Variants in KCTD21 observed in about 807,000 individuals in gnomAD.
KCTD21 encodes BTB/POZ domain-containing protein KCTD21.
In KCTD21, 9 loss-of-function variants were observed where a neutral mutation model predicts 13.2. That is an observed-to-expected ratio of 0.68 (90% CI 0.41 to 1.19). The LOEUF (loss-of-function observed/expected upper bound fraction) is 1.19, where lower values mean the gene tolerates loss of function less well. Ranked by LOEUF, KCTD21 falls within the 50% of genes most tolerant of loss-of-function variation. The pLI is 0.01. For missense variants in KCTD21, 303 were observed against 336.5 expected, an observed-to-expected ratio of 0.90 and a Z score of 0.78; for synonymous variants, 142 against 137.4, an observed-to-expected ratio of 1.03 and a Z score of -0.23.
intron 1 of KCTD21, among the ~76,000 whole-genome samples, chr11:78,183,016 T>A (rs1862674563): frequency 6.6e-6 from 1 of 152,242 alleles, no homozygotes; most frequent in Non-Finnish European, 1.5e-5. Flanking sequence ...ATCATCTATC[T>A]ATCAATCACC....
chr11:78,174,758 A>AGGGAAAGGAGAAAG, intron 1 of KCTD21, 175 bp from the exon 2 acceptor site: 1 of 488,804 alleles, frequency 2.0e-6, no homozygotes, highest in Non-Finnish European at 3.6e-6. Flanking sequence ...CACTAGGGAG[A>AGGGAAAGGAGAAAG]GGGAAAGGAG....
chr11:78,186,057 T>G (rs1445354290), intron 1 of KCTD21, among the ~76,000 whole-genome samples: 1 of 151,828 alleles, frequency 6.6e-6, no homozygotes, highest in Admixed American at 6.6e-5. Flanking sequence ...CTCCTGGGCC[T>G]CAGAAATGTC....
chr11:78,180,720 C>G (rs1862590726), intron 1 of KCTD21, among the ~76,000 whole-genome samples: 1 of 152,158 alleles, frequency 6.6e-6, no homozygotes, highest in East Asian at 1.9e-4. Context: ...CAATGGAAAC[C>G]TCATACACTG....
rs147630167 is a variant in KCTD21, at chr11:78,173,680, C to A, written c.*92G>T. On this transcript the variant is annotated 3_prime_UTR_variant, in exon 2 of 2. Coordinates refer to ENST00000340067, the MANE Select transcript of KCTD21 (RefSeq NM_001029859.3). Reference sequence around the variant, plus strand: ...CACAATTAATACAGATTAGTATAGTCCCCTGCCTCGCACCACTGGCGAGAT... The same window carrying A: ...CACAATTAATACAGATTAGTATAGTACCCTGCCTCGCACCACTGGCGAGAT... 4.4e-4 allele frequency: 443 copies of A among 1,016,572 alleles called. 1 individual carries two copies. Among genetic ancestry groups the A allele is most frequent in the Non-Finnish European group, 5.8e-4 (394 of 678,544 alleles). The allele number at this position is 1,016,572 out of a possible 1,614,324, so 63.0% of individuals were successfully genotyped here.
intron 1 of KCTD21, among the ~76,000 whole-genome samples, chr11:78,184,084 A>G (rs532168036): frequency 6.6e-6 from 1 of 152,362 alleles, no homozygotes; most frequent in Admixed American, 6.5e-5. Flanking sequence ...ACACATAATT[A>G]TAACAGACTC....
intron 1 of KCTD21, among the ~76,000 whole-genome samples, chr11:78,186,200 C>T (rs553465670): frequency 2.1e-4 from 32 of 149,322 alleles, no homozygotes; most frequent in Non-Finnish European, 3.0e-4. Context: ...CATAATGAGA[C>T]CTCGTTTCTA....
chr11:78,188,314 T>A (rs1318543095), intron 1 of KCTD21: 4 of 983,822 alleles, frequency 4.1e-6, no homozygotes, highest in Non-Finnish European at 4.8e-6. Flanking sequence ...CGACCCTCAT[T>A]ATCCGGGCTT....
chr11:78,174,060 G>C lies in KCTD21; in HGVS notation c.495C>G (p.Tyr165Ter). The C allele has an allele frequency of 1.2e-6, 2 of 1,614,178 alleles. No individual in the cohort carries two copies. Among genetic ancestry groups the C allele is most frequent in the Non-Finnish European group, 1.7e-6 (2 of 1,180,028 alleles). ...FLKLLGSKLF[Y>*]CSNGNLSSIT... The stretch of plus-strand genomic sequence containing the variant: ...TGGAGGAGAGATTGCCATTGGAGCA[G>C]TAGAAGAGCTTAGAGCCAAGGAGCT... Residue 165 changes from tyrosine (Y) to a stop codon, truncating the protein, a stop_gained, in exon 2 of 2, where the codon TAC (tyrosine) becomes TAG (stop). Transcript: ENST00000340067. LOFTEE classifies it high-confidence loss of function.
chr11:78,174,701 T>C, intron 1 of KCTD21, 118 bp from the exon 2 acceptor site: 1 of 678,426 alleles, frequency 1.5e-6, no homozygotes. Flanking sequence ...AATTAATACC[T>C]GATGAATGGG....
intron 1 of KCTD21, chr11:78,186,573 C>A: frequency 2.4e-6 from 1 of 419,104 alleles, no homozygotes; most frequent in Non-Finnish European, 3.1e-6. Context: ...ACTACAACGG[C>A]AATAATAATG....
intron 1 of KCTD21, among the ~76,000 whole-genome samples, chr11:78,185,716 T>TGAGTAGCTGGGATTTCA (rs1368475870): frequency 2.0e-5 from 3 of 151,932 alleles, no homozygotes; most frequent in African/African-American, 7.3e-5. Flanking sequence ...CTCAGCCTCC[T>TGAGTAGCTGGGATTTCA]GAGTAGCTGG....
intron 1 of KCTD21, chr11:78,187,182 A>G (rs1283519423): frequency 3.0e-6 from 3 of 985,432 alleles, no homozygotes; most frequent in Non-Finnish European, 2.4e-6. Context: ...TGTGTTTTCC[A>G]GTAAGTGGGA....
At chr11:78,180,835 A>G (rs903758325) in intron 1 of KCTD21, among the ~76,000 whole-genome samples, 23 of 152,188 alleles carry the variant, frequency 1.5e-4, no homozygotes, top group Admixed American at 1.1e-3. Context: ...CCCATGTGTC[A>G]AGGGCAGGAC....
At chr11:78,188,540 C>T in intron 1 of KCTD21, 33 bp downstream of exon 1, 2 of 985,492 alleles carry the variant, frequency 2.0e-6, no homozygotes, top group South Asian at 4.7e-5. Context: ...CGGTAGTCCC[C>T]GAGCCCCGCG....
chr11:78,174,601 T>G lies in KCTD21; in HGVS notation c.-29-18A>C, dbSNP rs1590873263. 6.5e-7 allele frequency: 1 copy of G among 1,540,702 alleles called. No homozygotes were observed. The highest frequency in any genetic ancestry group is 2.3e-5 in the East Asian group (1 of 43,906). On this transcript the variant is annotated intron_variant, in intron 1 of 1. Transcript: ENST00000340067. ...AAGTAGTCCTGGAGAGGGTGAGAAGTGAGAAATGACTATAACCAAACCTTA... is the reference window on the plus strand; with the variant it reads ...AAGTAGTCCTGGAGAGGGTGAGAAGGGAGAAATGACTATAACCAAACCTTA...
At chr11:78,186,376 A>C (rs1862767395) in intron 1 of KCTD21, among the ~76,000 whole-genome samples, 6 of 60,154 alleles carry the variant, frequency 1.0e-4, no homozygotes, top group Middle Eastern at 9.4e-3. Flanking sequence ...TGTCTCAAAA[A>C]AAAAAAAAAA....
chr11:78,187,237 A>G lies in KCTD21; in HGVS notation c.-30+1336T>C, dbSNP rs144176811. The G allele has an allele frequency of 5.1e-4, 502 of 985,300 alleles. 2 individuals are homozygous for G. In the African/African-American group the frequency reaches 8.2e-3, roughly 16 times the overall value. The allele number at this position is 985,300 out of a possible 1,614,324, so 61.0% of individuals were successfully genotyped here. A position where few individuals can be genotyped will look rare whatever the true frequency, so the allele number is the denominator to read the frequency against. On this transcript the variant is annotated intron_variant, in intron 1 of 1. Transcript: ENST00000340067. ...ACCGGAGAAAGGACTCTTTGCCTTG[A>G]AGCCCCTAGGACGACTACCCTTTCT...
rs144633659 is a variant in KCTD21, at chr11:78,183,278, G to A, written c.-30+5295C>T. Reference sequence around the variant, plus strand: ...AGGCTGGGTGCGGTAGTTCATGCCTGTAATCTCAGCACTTTGGGAGGCCGA... The same window carrying A: ...AGGCTGGGTGCGGTAGTTCATGCCTATAATCTCAGCACTTTGGGAGGCCGA... On this transcript the variant is annotated intron_variant, in intron 1 of 1. Coordinates refer to ENST00000340067, the MANE Select transcript of KCTD21 (RefSeq NM_001029859.3). 1.1e-4 allele frequency among the ~76,000 whole-genome samples: 16 copies of A among 152,302 alleles called. No individual in the cohort carries two copies. In the East Asian group the frequency reaches 2.5e-3, roughly 24 times the overall value.
chr11:78,187,276 C>T (rs1373043180), intron 1 of KCTD21: 1 of 985,300 alleles, frequency 1.0e-6, no homozygotes, highest in East Asian at 1.1e-4. Context: ...CCTCCTCTTC[C>T]TGACCACCCC....
Sources: gnomAD v4.1 joint callset for allele counts (sites outside exome capture counted in the v4.1 genomes callset) on GRCh38, gnomAD v4.1.1 for gene constraint, MANE v1.5 for transcripts, NCBI Gene and HGNC (gene_info 2026-07-23, HGNC 2026-07-21) for gene names.